USP33: variants seen among roughly 807,000 people sequenced by gnomAD.
USP33 encodes ubiquitin carboxyl-terminal hydrolase 33.
USP33 carries 46 observed loss-of-function variants against 124.2 expected under a neutral mutation model. The observed-to-expected ratio is 0.37, with a 90% confidence interval of 0.29 to 0.47. The LOEUF (loss-of-function observed/expected upper bound fraction) is 0.47. Ranked by LOEUF, USP33 falls within the 20% of genes least tolerant of loss-of-function variation. The pLI is 0.99. For synonymous variants in USP33, 350 were observed against 352.3 expected, an observed-to-expected ratio of 0.99 and a Z score of 0.07; for missense variants, 851 against 1,070.6, an observed-to-expected ratio of 0.79 and a Z score of 2.86.
At chr1:77,720,165 G>GAAAAAAAAA (rs745681259) in intron 15 of USP33, among the ~76,000 whole-genome samples, 11 of 42,744 alleles carry the variant, frequency 2.6e-4, no homozygotes, top group South Asian at 1.5e-3. Context: ...TGTCTCAAAT[G>GAAAAAAAAA]AAAAAAAAAA....
chr1:77,748,779 T>TC (rs1553201472), intron 1 of USP33, among the ~76,000 whole-genome samples: 1,676 of 47,560 alleles, frequency 0.035, 120 homozygotes, highest in South Asian at 0.082. Flanking sequence ...ATTCCTTCCC[T>TC]CCCCCCCCCC....
intron 4 of USP33, among the ~76,000 whole-genome samples, chr1:77,740,478 C>T (rs1328875060): frequency 6.6e-6 from 1 of 152,030 alleles, no homozygotes; most frequent in Admixed American, 6.6e-5. Flanking sequence ...CTCAGCCTCC[C>T]GAGTAGCTGG....
intron 1 of USP33, among the ~76,000 whole-genome samples, chr1:77,750,740 A>G (rs1680258190): frequency 6.6e-6 from 1 of 152,258 alleles, no homozygotes; most frequent in African/African-American, 2.4e-5. Flanking sequence ...TCCCAAGGAT[A>G]TTTAGTATCC....
intron 1 of USP33, among the ~76,000 whole-genome samples, chr1:77,748,909 G>C (rs1680027845): frequency 6.6e-6 from 1 of 151,380 alleles, no homozygotes; most frequent in Non-Finnish European, 1.5e-5. Flanking sequence ...TTATTATAAT[G>C]ATGTGTTGTT....
intron 12 of USP33, among the ~76,000 whole-genome samples, chr1:77,722,992 C>G (rs1362895731): frequency 6.6e-6 from 1 of 152,166 alleles, no homozygotes; most frequent in African/African-American, 2.4e-5. Flanking sequence ...TGAATATCAA[C>G]AGATTCCCAG....
chr1:77,712,220 A>C (rs1041431208), intron 20 of USP33, among the ~76,000 whole-genome samples: 2 of 152,250 alleles, frequency 1.3e-5, no homozygotes, highest in Admixed American at 1.3e-4. Context: ...CTCAAGTAAG[A>C]AGCATTCAAT....
intron 1 of USP33, among the ~76,000 whole-genome samples, chr1:77,753,483 AT>A (rs1266606086): frequency 2.6e-5 from 4 of 152,212 alleles, no homozygotes; most frequent in African/African-American, 4.8e-5. Context: ...AGGGGAAAAA[AT>A]AATAGCCAAT....
At chr1:77,744,879 G>A (rs1028186657) in intron 1 of USP33, among the ~76,000 whole-genome samples, 8 of 152,142 alleles carry the variant, frequency 5.3e-5, no homozygotes, top group East Asian at 1.9e-4. Context: ...AGTGCGACAC[G>A]GTGCTAAGAA....
intron 5 of USP33, among the ~76,000 whole-genome samples, chr1:77,738,487 CTTTTTTTT>C (rs965765130): frequency 2.1e-5 from 3 of 144,902 alleles, no homozygotes; most frequent in Admixed American, 6.9e-5. Context: ...ATCTTTTTTT[CTTTTTTTT>C]TTTTAGATGG....
intron 21 of USP33, among the ~76,000 whole-genome samples, chr1:77,704,895 T>G (rs1293407156): frequency 6.6e-6 from 1 of 152,224 alleles, no homozygotes; most frequent in East Asian, 1.9e-4. Flanking sequence ...TTATACTTGC[T>G]GCCTGGTACA....
intron 12 of USP33, among the ~76,000 whole-genome samples, 196 bp downstream of exon 12, chr1:77,723,135 T>C (rs929465375): frequency 3.3e-5 from 5 of 152,224 alleles, no homozygotes; most frequent in African/African-American, 4.8e-5. Flanking sequence ...TGGGTCACCA[T>C]CCTTTAAACA....
At chr1:77,719,061 T>TA (rs1184938022) in intron 15 of USP33, among the ~76,000 whole-genome samples, 1 of 152,166 alleles carries the variant, frequency 6.6e-6, no homozygotes, top group East Asian at 1.9e-4. Context: ...TCCCTTATTG[T>TA]AAAAAATAAT....
At chr1:77,748,486 T>C (rs556149399) in intron 1 of USP33, among the ~76,000 whole-genome samples, 16 of 152,174 alleles carry the variant, frequency 1.1e-4, no homozygotes, top group Admixed American at 3.3e-4. Flanking sequence ...CTGGTCAATA[T>C]GGTGAAACCC....
At chr1:77,738,310 A>C (rs1012641120) in intron 5 of USP33, among the ~76,000 whole-genome samples, 7 of 152,188 alleles carry the variant, frequency 4.6e-5, no homozygotes, top group Non-Finnish European at 1.0e-4. Flanking sequence ...TGTTAATCAA[A>C]TCTGATCAAA....
At chr1:77,741,804 A>G in intron 1 of USP33, 56 bp from the exon 2 acceptor site, 1 of 1,453,330 alleles carries the variant, frequency 6.9e-7, no homozygotes, top group Non-Finnish European at 9.2e-7. Flanking sequence ...ATGCCTGCAA[A>G]GATTCCAAAA....
intron 1 of USP33, among the ~76,000 whole-genome samples, chr1:77,752,915 T>C (rs1394255995): frequency 6.6e-6 from 1 of 151,720 alleles, no homozygotes. Flanking sequence ...CTGTCTCTAC[T>C]AAAAACACAA....
intron 21 of USP33, among the ~76,000 whole-genome samples, chr1:77,704,895 T>C (rs1293407156): frequency 6.6e-6 from 1 of 152,224 alleles, no homozygotes; most frequent in Admixed American, 6.5e-5. Flanking sequence ...TTATACTTGC[T>C]GCCTGGTACA....
At chr1:77,742,288 CA>C (rs1422516547) in intron 1 of USP33, among the ~76,000 whole-genome samples, 2 of 152,134 alleles carry the variant, frequency 1.3e-5, no homozygotes, top group African/African-American at 4.8e-5. Flanking sequence ...TCGATCCCGG[CA>C]CTATTGACAC....
At chr1:77,748,985 A>G (rs945097497) in intron 1 of USP33, among the ~76,000 whole-genome samples, 1 of 152,100 alleles carries the variant, frequency 6.6e-6, no homozygotes, top group Non-Finnish European at 1.5e-5. Context: ...CCAATCTTCC[A>G]TCATTTTTTC....
Sources: gnomAD v4.1 joint callset for allele counts (sites outside exome capture counted in the v4.1 genomes callset) on GRCh38, gnomAD v4.1.1 for gene constraint, MANE v1.5 for transcripts, NCBI Gene and HGNC (gene_info 2026-07-23, HGNC 2026-07-21) for gene names.